PUS7L: variants seen among roughly 807,000 people sequenced by gnomAD.
PUS7L encodes pseudouridine synthase 7 like.
A neutral mutation model predicts 51.1 loss-of-function variants in PUS7L; 49 were observed. The ratio of observed to expected loss-of-function variants is 0.96; its 90% CI spans 0.76 to 1.22. The LOEUF (loss-of-function observed/expected upper bound fraction) is 1.22. PUS7L is among the 50% of genes most tolerant of loss of function. The pLI, the probability that PUS7L is intolerant of heterozygous loss-of-function variation, is 0.00. For synonymous variants in PUS7L, 277 were observed against 276.2 expected, an observed-to-expected ratio of 1.00 and a Z score of -0.03; for missense variants, 828 against 820.6, an observed-to-expected ratio of 1.01 and a Z score of -0.11.
At chr12:43,735,280 G>A (rs923522747) in intron 7 of PUS7L, among the ~76,000 whole-genome samples, 1 of 151,658 alleles carries the variant, frequency 6.6e-6, no homozygotes, top group Non-Finnish European at 1.5e-5. Flanking sequence ...TCGCGCCACT[G>A]CACTCCAGCC....
At chr12:43,751,381 C>T (rs1414211473) in intron 2 of PUS7L, among the ~76,000 whole-genome samples, 4 of 142,750 alleles carry the variant, frequency 2.8e-5, no homozygotes, top group South Asian at 2.3e-4. Flanking sequence ...CAGTGTGTGA[C>T]GTTCCCCTTC....
intron 1 of PUS7L, 63 bp downstream of exon 1, chr12:43,758,665 CCA>C (rs1170580148): frequency 0.021 from 11,458 of 547,542 alleles, 54 homozygotes; most frequent in African/African-American, 0.023. Flanking sequence ...CCCCCCCCCC[CCA>C]CACACACACA....
rs1196586396 is a variant in PUS7L, at chr12:43,728,102, T to TG, written c.*2273dup. ...AGATCATGCTTATGAAGGTCTGAAA[T>TG]GCCCCAGCAAAACTGCAAAAACCTA... On this transcript the variant is annotated 3_prime_UTR_variant, in exon 9 of 9. Coordinates refer to ENST00000344862, the MANE Select transcript of PUS7L (RefSeq NM_031292.5). 1 of 151,198 alleles carries TG rather than the reference T, an allele frequency of 6.6e-6. No individual in the cohort carries two copies. Among genetic ancestry groups the TG allele is most frequent in the East Asian group, 1.9e-4 (1 of 5,184 alleles). 9.4% of individuals were successfully genotyped at this position (151,198 alleles called of 1,614,324 possible).
Position 43,730,270 on chromosome 12 carries a change from G to A in PUS7L, c.*106C>T, listed in dbSNP as rs1052202536. On this transcript the variant is annotated 3_prime_UTR_variant, in exon 9 of 9. Coordinates refer to ENST00000344862, the MANE Select transcript of PUS7L (RefSeq NM_031292.5). Reference sequence around the variant, plus strand: ...TCTCAGGATGCTGTGAAAATTAAAAGAGATAACAATTATGAAGTTCCTAAC... The same window carrying A: ...TCTCAGGATGCTGTGAAAATTAAAAAAGATAACAATTATGAAGTTCCTAAC... The A allele has an allele frequency of 1.4e-6, 1 of 736,310 alleles. No individual in the cohort carries two copies. The highest frequency in any genetic ancestry group is 2.2e-6 in the Non-Finnish European group (1 of 451,262). The allele number at this position is 736,310 out of a possible 1,614,324, so 45.6% of individuals were successfully genotyped here.
chr12:43,721,342 C>T lies in PUS7L; in HGVS notation c.*9034G>A, dbSNP rs971555008. On this transcript the variant is annotated 3_prime_UTR_variant, in exon 9 of 9. Coordinates refer to ENST00000344862, the MANE Select transcript of PUS7L (RefSeq NM_031292.5). ...TGACAGCTTGTTCTAAATTTTAAAT[C>T]AAATTCTACAATGCATTTAATATTT... 6.6e-6 allele frequency: 1 copy of T among 152,100 alleles called. No homozygotes were observed. The highest frequency in any genetic ancestry group is 2.4e-5 in the African/African-American group (1 of 41,434). 9.4% of individuals were successfully genotyped at this position (152,100 alleles called of 1,614,324 possible).
chr12:43,734,832 A>G (rs1944644850), intron 7 of PUS7L, among the ~76,000 whole-genome samples: 1 of 152,172 alleles, frequency 6.6e-6, no homozygotes, highest in African/African-American at 2.4e-5. Context: ...TGTTCTCTAA[A>G]ATTCAATGAT....
At position 43,755,099 on chromosome 12, in the gene PUS7L, G is replaced by C; in HGVS notation, c.147C>G (p.Thr49=). 1 of 1,613,592 alleles carries C rather than the reference G, an allele frequency of 6.2e-7. No homozygotes were observed. Among genetic ancestry groups the C allele is most frequent in the Non-Finnish European group, 8.5e-7 (1 of 1,179,742 alleles). Residue 49 remains threonine, a synonymous_variant, in exon 2 of 9, where the codon ACC becomes ACG. Coordinates refer to ENST00000344862, the MANE Select transcript of PUS7L (RefSeq NM_031292.5). ...TAATCTTGAAAATAGGCTCATCGATGGTCTTATTAACTAACTGTCCCTGTT... is the reference window on the plus strand; with the variant it reads ...TAATCTTGAAAATAGGCTCATCGATCGTCTTATTAACTAACTGTCCCTGTT... ...IDEQGQLVNK[T]IDEPIFKISE...
intron 2 of PUS7L, among the ~76,000 whole-genome samples, chr12:43,753,413 T>A (rs1336886454): frequency 1.3e-5 from 2 of 152,202 alleles, no homozygotes; most frequent in Non-Finnish European, 2.9e-5. Flanking sequence ...CTAAAAGTCA[T>A]AATATCAAAT....
chr12:43,743,372 T>C (rs1051802284), intron 4 of PUS7L, among the ~76,000 whole-genome samples: 15 of 152,222 alleles, frequency 9.9e-5, no homozygotes, highest in African/African-American at 3.4e-4. Flanking sequence ...CAATTATTAT[T>C]GAATACCAAC....
chr12:43,732,199 T>C (rs1475060349), intron 7 of PUS7L, among the ~76,000 whole-genome samples: 4 of 152,028 alleles, frequency 2.6e-5, no homozygotes, highest in African/African-American at 9.7e-5. Flanking sequence ...CTCACATCTG[T>C]AATTCAGTGC....
rs765400291 is a variant in PUS7L, at chr12:43,736,393, GA to G, written c.1712del (p.Phe571SerfsTer9). ...GAATGATACTTACTTTACTATTTGGGAAATTCTCGTCATCAATGTCTTCATC... is the reference window on the plus strand; with the variant it reads ...GAATGATACTTACTTTACTATTTGGGAATTCTCGTCATCAATGTCTTCATC... Reference protein sequence around the residue: ...CLDEDIDDENFPNSKIHLVTE... With the variant: ...CLDEDIDDENXPNSKIHLVTE... On this transcript the variant is annotated frameshift_variant, in exon 7 of 9. Transcript: ENST00000344862. LOFTEE classifies it high-confidence loss of function. The G allele has an allele frequency of 1.5e-5, 25 of 1,613,390 alleles. No individual in the cohort carries two copies. The highest frequency in any genetic ancestry group is 2.0e-5 in the Non-Finnish European group (24 of 1,179,572).
intron 6 of PUS7L, 67 bp from the exon 7 acceptor site, chr12:43,736,728 G>A (rs1381127129): frequency 2.8e-6 from 4 of 1,431,032 alleles, no homozygotes; most frequent in Non-Finnish European, 3.8e-6. Context: ...AAAGGCTTTT[G>A]TTCTAATCTC....
chr12:43,749,070 A>C (rs957683904), intron 2 of PUS7L, among the ~76,000 whole-genome samples: 12 of 152,188 alleles, frequency 7.9e-5, no homozygotes, highest in African/African-American at 2.9e-4. Context: ...GATAGATTTC[A>C]GCTGTTATTT....
At chr12:43,751,348 T>TC (rs1938432790) in intron 2 of PUS7L, among the ~76,000 whole-genome samples, 1 of 78,358 alleles carries the variant, frequency 1.3e-5, no homozygotes, top group African/African-American at 4.9e-5. Context: ...CCCTCCCCCC[T>TC]CCCCCCACTC....
At chr12:43,734,039 C>G (rs1944624077) in intron 7 of PUS7L, among the ~76,000 whole-genome samples, 1 of 152,168 alleles carries the variant, frequency 6.6e-6, no homozygotes, top group Admixed American at 6.5e-5. Context: ...TAGCGGCACT[C>G]TCATTTTCCA....
rs771227799 is a variant in PUS7L, at chr12:43,738,354, A to C, written c.1400T>G (p.Leu467Trp). The change falls in exon 6 of 9, where the codon TTG (leucine) becomes TGG (tryptophan). Residue 467 changes from leucine to tryptophan, a missense_variant. Transcript: ENST00000344862. ...AIKLFLTPEDLDDPVNRAKKY... is the reference protein window; with the variant it reads ...AIKLFLTPEDWDDPVNRAKKY... ...CTTTGCTCTATTTACAGGATCATCC[A>C]AGTCTTCTGGTGTAAGAAACAATTT... is the stretch of plus-strand genomic sequence containing the variant. 2.5e-6 allele frequency: 4 copies of C among 1,597,726 alleles called. No individual in the cohort carries two copies. The highest frequency in any genetic ancestry group is 3.4e-6 in the Non-Finnish European group (4 of 1,165,988).
At chr12:43,731,081 G>A (rs986523892) in intron 8 of PUS7L, among the ~76,000 whole-genome samples, 10 of 152,076 alleles carry the variant, frequency 6.6e-5, no homozygotes, top group Admixed American at 4.6e-4. Flanking sequence ...CGGTATTTTG[G>A]TGGACAATTT....
chr12:43,758,652 T>TGGGGGGGGGGGGC, intron 1 of PUS7L, 78 bp downstream of exon 1: 1 of 708,238 alleles, frequency 1.4e-6, no homozygotes, highest in Non-Finnish European at 1.6e-6. Context: ...GCCAACCTCG[T>TGGGGGGGGGGGGC]CACCCCCCCC....
chr12:43,745,521 A>G (rs1938120635), intron 4 of PUS7L, among the ~76,000 whole-genome samples: 1 of 152,140 alleles, frequency 6.6e-6, no homozygotes, highest in Admixed American at 6.5e-5. Context: ...GAAGAAGGAT[A>G]TGTTTGTTTC....
Sources: allele counts gnomAD v4.1 joint callset (sites outside exome capture counted in the v4.1 genomes callset), GRCh38; gene constraint gnomAD v4.1.1; transcripts MANE v1.5; gene names NCBI Gene and HGNC (gene_info 2026-07-23, HGNC 2026-07-21).